PRR16: variants seen among roughly 807,000 people sequenced by gnomAD.
PRR16 encodes the protein protein Largen.
Under a neutral mutation model 18.2 loss-of-function variants are expected in PRR16, and 6 were observed. The observed-to-expected ratio is 0.33, with a 90% CI of 0.18 to 0.65. The LOEUF is 0.65. Ranked by LOEUF, PRR16 falls within the 30% of genes least tolerant of loss-of-function variation. The pLI is 0.74. For synonymous variants in PRR16, 151 were observed against 147.8 expected (o/e 1.02, Z -0.16); for missense variants, 412 against 376.6 (o/e 1.09, Z -0.78).
the PRR16 span, chr5:120,790,011 C>G: frequency 6.6e-6 from 1 of 152,130 alleles, no homozygotes; most frequent in Non-Finnish European, 1.5e-5. Context: ...GTTTTTCTCA[C>G]TTGATTCATC....
chr5:120,789,010 C>T, the PRR16 span, among the ~76,000 whole-genome samples: 19 of 151,966 alleles, frequency 1.3e-4, no homozygotes, highest in Non-Finnish European at 1.6e-4. Flanking sequence ...TATGTATGTT[C>T]GTGTGTCTAC....
In PRR16 at chr5:120,686,833, C is replaced by A; in HGVS notation, c.*124C>A. The A allele has an allele frequency of 1.4e-6, 1 of 739,690 alleles. No individual in the cohort carries two copies. The highest frequency in any genetic ancestry group is 2.0e-6 in the Non-Finnish European group (1 of 512,814). 45.8% of individuals were successfully genotyped at this position (739,690 alleles called of 1,614,324 possible). ...ATTAATCCTGCATTCAGCAAAGTGG[C>A]ATAAAAATCACCTGGTAAGTATGCA... On this transcript the variant is annotated 3_prime_UTR_variant, in exon 2 of 2. Transcript: ENST00000407149.
the PRR16 span, among the ~76,000 whole-genome samples, chr5:120,794,404 T>C: frequency 2.0e-5 from 3 of 152,118 alleles, no homozygotes; most frequent in Non-Finnish European, 4.4e-5. Flanking sequence ...CTCTATGTCA[T>C]GTTTTGGTAA....
At chr5:120,734,322 C>G in the PRR16 span, among the ~76,000 whole-genome samples, 1 of 151,864 alleles carries the variant, frequency 6.6e-6, no homozygotes, top group Non-Finnish European at 1.5e-5. Flanking sequence ...ATTTTTCACA[C>G]TCCTCTCTCT....
the PRR16 span, among the ~76,000 whole-genome samples, chr5:120,779,610 T>C: frequency 6.6e-6 from 1 of 152,192 alleles, no homozygotes; most frequent in African/African-American, 2.4e-5. Context: ...ACTTTCTAAA[T>C]TGGGTCTTTT....
intron 1 of PRR16, among the ~76,000 whole-genome samples, chr5:120,585,897 C>T (rs769748382): frequency 1.1e-4 from 16 of 151,472 alleles, no homozygotes; most frequent in South Asian, 4.2e-4. Context: ...ATTTTTGGGC[C>T]GGGTGCGATG....
At chr5:120,632,837 C>A (rs1755103673) in intron 1 of PRR16, among the ~76,000 whole-genome samples, 1 of 152,242 alleles carries the variant, frequency 6.6e-6, no homozygotes, top group East Asian at 1.9e-4. Context: ...ACTTTCTTGG[C>A]TTTTCTAGAG....
chr5:120,536,529 C>T (rs1326867025), intron 1 of PRR16, among the ~76,000 whole-genome samples: 1 of 152,098 alleles, frequency 6.6e-6, no homozygotes, highest in African/African-American at 2.4e-5. Context: ...GTTAAGTACA[C>T]ATATACATTG....
At chr5:120,723,251 C>T in the PRR16 span, among the ~76,000 whole-genome samples, 1 of 151,910 alleles carries the variant, frequency 6.6e-6, no homozygotes, top group Admixed American at 6.6e-5. Context: ...ATGATAGTGG[C>T]TAGCATTATG....
At chr5:120,757,391 G>A in the PRR16 span, among the ~76,000 whole-genome samples, 6 of 151,962 alleles carry the variant, frequency 3.9e-5, no homozygotes, top group African/African-American at 1.5e-4. Context: ...CGTTGACTCT[G>A]TAGATTGCTT....
At chr5:120,586,440 T>C (rs962305693) in intron 1 of PRR16, among the ~76,000 whole-genome samples, 2 of 152,210 alleles carry the variant, frequency 1.3e-5, no homozygotes, top group South Asian at 2.1e-4. Context: ...TTTTCACCAA[T>C]TGAAGGTTTG....
intron 1 of PRR16, among the ~76,000 whole-genome samples, chr5:120,655,918 A>T (rs556374503): frequency 2.0e-5 from 3 of 151,848 alleles, no homozygotes; most frequent in Admixed American, 6.6e-5. Flanking sequence ...GGTTCCAGCC[A>T]CCAGAAGATC....
the PRR16 span, among the ~76,000 whole-genome samples, chr5:120,759,853 C>G: frequency 0.53 from 80,739 of 151,878 alleles, 22,022 homozygotes; most frequent in East Asian, 0.79. Context: ...CATAAATACA[C>G]TTGTTGTTAA....
chr5:120,614,110 T>TA (rs1485607751), intron 1 of PRR16, among the ~76,000 whole-genome samples: 3 of 152,218 alleles, frequency 2.0e-5, no homozygotes, highest in Non-Finnish European at 4.4e-5. Context: ...TTAATACAGA[T>TA]ACATGTTTTT....
downstream of PRR16, among the ~76,000 whole-genome samples, chr5:120,687,801 C>G (rs534074646): frequency 9.8e-5 from 15 of 152,290 alleles, 1 homozygote; most frequent in South Asian, 3.1e-3. Context: ...ATCTTTCCTT[C>G]TAACATCAAA....
chr5:120,567,064 A>G (rs1021508864), intron 1 of PRR16, among the ~76,000 whole-genome samples: 4 of 152,126 alleles, frequency 2.6e-5, no homozygotes, highest in African/African-American at 4.8e-5. Context: ...TGTTTATCAA[A>G]TCATTTTGTG....
At chr5:120,700,447 A>T in the PRR16 span, among the ~76,000 whole-genome samples, 1 of 151,820 alleles carries the variant, frequency 6.6e-6, no homozygotes, top group East Asian at 1.9e-4. Context: ...AGGTGGGGGG[A>T]TACAAGAGGA....
chr5:120,641,018 C>A (rs191488389), intron 1 of PRR16, among the ~76,000 whole-genome samples: 19 of 152,124 alleles, frequency 1.2e-4, no homozygotes, highest in African/African-American at 4.6e-4. Context: ...AAGGCCTAGG[C>A]CTTGGCAACC....
chr5:120,508,798 C>T (rs1009342215), intron 1 of PRR16, among the ~76,000 whole-genome samples: 8 of 152,048 alleles, frequency 5.3e-5, no homozygotes, highest in African/African-American at 1.9e-4. Flanking sequence ...AGCTATCATA[C>T]AATTATATAC....
Sources: gnomAD v4.1 joint callset for allele counts (sites outside exome capture counted in the v4.1 genomes callset) on GRCh38, gnomAD v4.1.1 for gene constraint, MANE v1.5 for transcripts, NCBI Gene and HGNC (gene_info 2026-07-23, HGNC 2026-07-21) for gene names.